Variants in SLC25A21 observed in about 807,000 individuals in gnomAD.
SLC25A21 encodes the protein solute carrier family 25 member 21.
In SLC25A21, 47 loss-of-function variants were observed where a neutral mutation model predicts 43.8. That is an observed-to-expected ratio of 1.07 (90% CI 0.85 to 1.37). The LOEUF is 1.37. Ranked by LOEUF, SLC25A21 falls within the 40% of genes most tolerant of loss-of-function variation. The pLI is 0.00. For synonymous variants in SLC25A21, 131 were observed against 121.3 expected (o/e 1.08, Z -0.52); for missense variants, 352 against 350.2 (o/e 1.00, Z -0.04).
intron 3 of SLC25A21, among the ~76,000 whole-genome samples, chr14:36,799,932 T>C (rs17105375): frequency 0.03 from 4,497 of 152,242 alleles, 226 homozygotes; most frequent in African/African-American, 0.1. Context: ...CTCAAATAAC[T>C]TGATTAACTA....
rs1961499979 is a variant in SLC25A21, at chr14:37,042,671, T to C, written c.70+129610A>G. On this transcript the variant is annotated intron_variant, in intron 1 of 9. Transcript: ENST00000331299. ...TTCATCAACATACTAATCTCTTCAG[T>C]GAACTTCTAAAAATCAATATATTAA... Among the ~76,000 whole-genome samples the C allele has an allele frequency of 1.3e-5, 2 of 152,280 alleles. 1 individual carries two copies. The highest frequency in any genetic ancestry group is 4.1e-4 in the South Asian group (2 of 4,838).
chr14:36,919,554 A>G (rs1367909291), intron 1 of SLC25A21, among the ~76,000 whole-genome samples: 3 of 151,986 alleles, frequency 2.0e-5, no homozygotes, highest in African/African-American at 7.2e-5. Flanking sequence ...ATTCTATAGT[A>G]CATAAACATA....
chr14:36,730,036 T>C (rs1884757832), intron 4 of SLC25A21, among the ~76,000 whole-genome samples: 1 of 152,186 alleles, frequency 6.6e-6, no homozygotes, highest in African/African-American at 2.4e-5. Flanking sequence ...CACTGCTCCA[T>C]GGAATTGAAA....
At chr14:37,130,325 C>T (rs1427196449) in intron 1 of SLC25A21, among the ~76,000 whole-genome samples, 1 of 152,040 alleles carries the variant, frequency 6.6e-6, no homozygotes, top group Non-Finnish European at 1.5e-5. Flanking sequence ...TAAACAAGGA[C>T]TCAGTATTCA....
chr14:37,138,776 A>G (rs1264803469), intron 1 of SLC25A21, among the ~76,000 whole-genome samples: 1 of 152,106 alleles, frequency 6.6e-6, no homozygotes. Flanking sequence ...TAAAGAAAAA[A>G]TTAGTTCTGA....
intron 1 of SLC25A21, among the ~76,000 whole-genome samples, chr14:37,135,646 C>A (rs1768979360): frequency 6.6e-6 from 1 of 152,186 alleles, no homozygotes. Flanking sequence ...GAATTTGAAT[C>A]CTATGGCATC....
chr14:36,875,040 TGTA>T, intron 1 of SLC25A21, 36 bp from the exon 2 acceptor site: 1 of 1,512,008 alleles, frequency 6.6e-7, no homozygotes, highest in Non-Finnish European at 9.2e-7. Context: ...TAAACACTTA[TGTA>T]AACACTGGTT....
intron 1 of SLC25A21, among the ~76,000 whole-genome samples, chr14:36,951,474 A>T (rs550886977): frequency 1.3e-4 from 20 of 152,196 alleles, no homozygotes; most frequent in Non-Finnish European, 2.5e-4. Flanking sequence ...AAACCAATGA[A>T]CAGACCTTGA....
intron 1 of SLC25A21, among the ~76,000 whole-genome samples, chr14:36,951,935 G>T (rs1031462511): frequency 8.5e-5 from 13 of 152,224 alleles, no homozygotes; most frequent in African/African-American, 3.1e-4. Context: ...GTAAACTTGG[G>T]CCAATAAAAG....
intron 1 of SLC25A21, among the ~76,000 whole-genome samples, chr14:37,095,449 C>A (rs376048720): frequency 6.6e-6 from 1 of 152,092 alleles, no homozygotes; most frequent in Non-Finnish European, 1.5e-5. Context: ...ACCTGGGAAG[C>A]GGAGGTTGCA....
chr14:36,919,061 G>C (rs895260430), intron 1 of SLC25A21, among the ~76,000 whole-genome samples: 1 of 151,556 alleles, frequency 6.6e-6, no homozygotes, highest in Non-Finnish European at 1.5e-5. Context: ...ACTGGTCCTA[G>C]GAACATTCAT....
chr14:37,022,921 T>C (rs1961017849), intron 1 of SLC25A21, among the ~76,000 whole-genome samples: 1 of 152,040 alleles, frequency 6.6e-6, no homozygotes. Context: ...CAATAGCATA[T>C]AATTATTTAA....
chr14:36,843,191 G>A (rs1413037701), intron 2 of SLC25A21, among the ~76,000 whole-genome samples: 1 of 152,192 alleles, frequency 6.6e-6, no homozygotes, highest in African/African-American at 2.4e-5. Context: ...CCAGGGTTTG[G>A]GGACCCCTGA....
At chr14:37,156,004 C>T (rs775286152) in intron 1 of SLC25A21, among the ~76,000 whole-genome samples, 1 of 151,830 alleles carries the variant, frequency 6.6e-6, no homozygotes, top group East Asian at 1.9e-4. Flanking sequence ...ACTAAAAATA[C>T]AAAAATTAGC....
chr14:36,940,781 T>C (rs1379149138), intron 1 of SLC25A21, among the ~76,000 whole-genome samples: 1 of 152,116 alleles, frequency 6.6e-6, no homozygotes, highest in South Asian at 2.1e-4. Context: ...TCTGACCATA[T>C]TACGATTGTC....
In SLC25A21 at chr14:36,711,437, C is replaced by T. The variant is rs1883863696; in HGVS notation, c.484G>A (p.Gly162Ser). The T allele has an allele frequency of 1.2e-6, 2 of 1,614,138 alleles. No homozygotes were observed. Among genetic ancestry groups the T allele is most frequent in the Admixed American group, 1.7e-5 (1 of 60,020 alleles). Residue 162 changes from glycine to serine, a missense_variant, in exon 7 of 10, where the codon GGC becomes AGC. Transcript: ENST00000331299. Reference protein sequence around the residue: ...GYARQIIKKEGWGLQGLNKGL... With the variant: ...GYARQIIKKESWGLQGLNKGL... ...TTGTTGAGGCCCTGGAGTCCCCAGC[C>T]TTCCTTCTTAATGATTTGTCTTGCA...
chr14:36,737,548 G>C (rs1334872858), intron 3 of SLC25A21, among the ~76,000 whole-genome samples: 1 of 152,144 alleles, frequency 6.6e-6, no homozygotes, highest in Admixed American at 6.5e-5. Context: ...TTGGTAAATG[G>C]AAGCTAGGAC....
intron 2 of SLC25A21, among the ~76,000 whole-genome samples, chr14:36,821,413 T>C (rs1353676373): frequency 1.3e-5 from 2 of 152,190 alleles, no homozygotes; most frequent in Non-Finnish European, 2.9e-5. Flanking sequence ...AACATTTCTC[T>C]ATGTCCATAG....
At chr14:36,840,057 C>T (rs1261342192) in intron 2 of SLC25A21, among the ~76,000 whole-genome samples, 1 of 152,178 alleles carries the variant, frequency 6.6e-6, no homozygotes, top group Admixed American at 6.5e-5. Flanking sequence ...AGAGATGACT[C>T]AAGCCCTACA....
Sources: gnomAD v4.1 joint callset for allele counts (sites outside exome capture counted in the v4.1 genomes callset) on GRCh38, gnomAD v4.1.1 for gene constraint, MANE v1.5 for transcripts, NCBI Gene and HGNC (gene_info 2026-07-23, HGNC 2026-07-21) for gene names.